ZC3H12B: variants seen among roughly 807,000 people sequenced by gnomAD.
ZC3H12B encodes probable ribonuclease ZC3H12B.
A neutral mutation model predicts 43.9 loss-of-function variants in ZC3H12B; 7 were observed. The observed-to-expected ratio is 0.16, with a 90% CI of 0.09 to 0.30. The LOEUF (loss-of-function observed/expected upper bound fraction) is 0.30, where lower values mean the gene tolerates loss of function less well. Among genes scored for constraint, ZC3H12B ranks in the 10% least tolerant of loss-of-function variants. ZC3H12B has a pLI of 1.00. For synonymous variants in ZC3H12B, 222 were observed against 241.7 expected, an observed-to-expected ratio of 0.92 and a Z score of 0.76; for missense variants, 475 against 670.2, an observed-to-expected ratio of 0.71 and a Z score of 3.22.
chrX:65,308,990 TG>T, the ZC3H12B span, among the ~76,000 whole-genome samples: 1 of 111,349 alleles, frequency 9.0e-6, no homozygotes, highest in African/African-American at 3.3e-5. Context: ...TTTAAAGCAG[TG>T]TGTAGAGGGA....
chrX:65,120,957 G>T, the ZC3H12B span, among the ~76,000 whole-genome samples: 7 of 111,470 alleles, frequency 6.3e-5, no homozygotes, highest in African/African-American at 2.3e-4. Context: ...TATGTTTATT[G>T]ATTTGCATAT....
the ZC3H12B span, among the ~76,000 whole-genome samples, chrX:65,154,164 G>T: frequency 1.8e-5 from 2 of 111,136 alleles, no homozygotes; most frequent in African/African-American, 6.6e-5. Flanking sequence ...ACACCAACAT[G>T]TCACATGTAT....
the ZC3H12B span, among the ~76,000 whole-genome samples, chrX:65,128,376 A>G: frequency 7.1e-5 from 8 of 112,202 alleles, no homozygotes; most frequent in East Asian, 2.2e-3. Flanking sequence ...TTTCCTATTA[A>G]CTTTCTGTTA....
the ZC3H12B span, among the ~76,000 whole-genome samples, chrX:65,255,794 T>A: frequency 8.9e-6 from 1 of 112,037 alleles, no homozygotes; most frequent in Admixed American, 9.4e-5. Context: ...AAGAGACCCA[T>A]TTCACATGCA....
rs1414983087 is a variant in ZC3H12B, at chrX:65,423,698, G to A, written n.407+24994G>A. Among the ~76,000 whole-genome samples, 9 of 111,562 alleles carry A rather than the reference G, an allele frequency of 8.1e-5. No homozygotes were observed. The East Asian group carries it at 1.1e-3, about 14-fold the overall frequency. ...CATATCCTTTGCCCACTTTTTGATG[G>A]GGTTGTTTTTTTCTTGTAAATTTGT... On this transcript the variant is annotated intron_variant and non_coding_transcript_variant, in intron 3 of 5. Coordinates refer to the ZC3H12B transcript ENST00000617377.
intron 3 of ZC3H12B, among the ~76,000 whole-genome samples, chrX:65,435,580 C>A (rs2067209620): frequency 9.1e-6 from 1 of 110,347 alleles, no homozygotes; most frequent in Non-Finnish European, 1.9e-5. Context: ...AATTTTATTT[C>A]TATAGAACCA....
the ZC3H12B span, among the ~76,000 whole-genome samples, chrX:65,207,620 A>C: frequency 9.2e-6 from 1 of 108,424 alleles, no homozygotes; most frequent in African/African-American, 3.4e-5. Flanking sequence ...TGATGCCTCC[A>C]GCTTTGTTCT....
At chrX:65,486,490 A>G (rs2068125800), upstream of ZC3H12B, among the ~76,000 whole-genome samples, 1 of 112,193 alleles carries the variant, frequency 8.9e-6, no homozygotes, top group Non-Finnish European at 1.9e-5. Context: ...TAAAAGAAAC[A>G]CATACACATA....
the ZC3H12B span, among the ~76,000 whole-genome samples, chrX:65,339,085 A>C: frequency 3.6e-5 from 4 of 112,072 alleles, no homozygotes; most frequent in Non-Finnish European, 7.5e-5. Flanking sequence ...CCTGACAAGG[A>C]ATCTATACCT....
chrX:65,427,630 C>T (rs2067100243), intron 3 of ZC3H12B, among the ~76,000 whole-genome samples: 1 of 111,592 alleles, frequency 9.0e-6, no homozygotes, highest in Non-Finnish European at 1.9e-5. Context: ...CACCCAGCCC[C>T]ATCCCTCTAT....
At chrX:65,147,608 G>A in the ZC3H12B span, among the ~76,000 whole-genome samples, 1 of 111,496 alleles carries the variant, frequency 9.0e-6, no homozygotes, top group African/African-American at 3.3e-5. Context: ...ATGTTTGTTG[G>A]CCTAGTTCTA....
chrX:65,238,046 A>G, the ZC3H12B span, among the ~76,000 whole-genome samples: 1 of 111,465 alleles, frequency 9.0e-6, no homozygotes, highest in Non-Finnish European at 1.9e-5. Context: ...TCAGGTTTTG[A>G]TATCAGGATG....
At chrX:65,304,638 A>G in the ZC3H12B span, among the ~76,000 whole-genome samples, 1 of 110,298 alleles carries the variant, frequency 9.1e-6, no homozygotes, top group Non-Finnish European at 1.9e-5. Flanking sequence ...AACAAAAAAC[A>G]AAAACATTTA....
the ZC3H12B span, among the ~76,000 whole-genome samples, chrX:65,275,851 G>A: frequency 8.9e-6 from 1 of 111,865 alleles, no homozygotes. Context: ...CCAATCATTG[G>A]AAAATATACA....
At chrX:65,176,686 G>A in the ZC3H12B span, among the ~76,000 whole-genome samples, 20 of 111,801 alleles carry the variant, frequency 1.8e-4, no homozygotes, top group African/African-American at 5.8e-4. Flanking sequence ...TAAAAGAAAT[G>A]GATAAATTCC....
the ZC3H12B span, among the ~76,000 whole-genome samples, chrX:65,157,467 G>A: frequency 3.6e-5 from 4 of 111,878 alleles, no homozygotes; most frequent in African/African-American, 1.3e-4. Flanking sequence ...GTTATTTCTA[G>A]TAATGCTTTT....
chrX:65,456,248 A>C (rs1194369748), intron 3 of ZC3H12B, among the ~76,000 whole-genome samples: 1 of 111,643 alleles, frequency 9.0e-6, no homozygotes, highest in Non-Finnish European at 1.9e-5. Context: ...ACGTGCAGAG[A>C]CACACATAGG....
At chrX:65,190,135 G>C in the ZC3H12B span, among the ~76,000 whole-genome samples, 18 of 109,938 alleles carry the variant, frequency 1.6e-4, no homozygotes, top group East Asian at 2.9e-4. Flanking sequence ...TCTGAGGGCT[G>C]TGTTCTGTTC....
the ZC3H12B span, among the ~76,000 whole-genome samples, chrX:65,065,332 G>A: frequency 9.0e-6 from 1 of 111,528 alleles, no homozygotes; most frequent in African/African-American, 3.3e-5. Flanking sequence ...TGTAAGGCAG[G>A]CCTGGTTGTG....
Sources: gnomAD v4.1 joint callset for allele counts (sites outside exome capture counted in the v4.1 genomes callset) on GRCh38, gnomAD v4.1.1 for gene constraint, MANE v1.5 for transcripts, NCBI Gene and HGNC (gene_info 2026-07-23, HGNC 2026-07-21) for gene names.